Variants in P4HA2 observed in about 807,000 individuals in gnomAD.
P4HA2 encodes prolyl 4-hydroxylase subunit alpha 2.
A neutral mutation model predicts 76.9 loss-of-function variants in P4HA2; 46 were observed. The observed-to-expected ratio is 0.60, with a 90% CI of 0.47 to 0.76. The LOEUF is 0.76. Among genes scored for constraint, P4HA2 ranks in the 30% least tolerant of loss-of-function variants. The pLI, the probability that P4HA2 is intolerant of heterozygous loss-of-function variation, is 0.00. For synonymous variants in P4HA2, 243 were observed against 254.0 expected, an observed-to-expected ratio of 0.96 and a Z score of 0.41; for missense variants, 583 against 669.4, an observed-to-expected ratio of 0.87 and a Z score of 1.42.
At chr5:132,204,287 A>C (rs908472976) in intron 8 of P4HA2, 135 bp from the exon 9 acceptor site, 5 of 713,648 alleles carry the variant, frequency 7.0e-6, no homozygotes, top group African/African-American at 5.2e-5. Flanking sequence ...GGCTCTAGCC[A>C]AGGCCCCAAG....
chr5:132,191,752 T>C lies in P4HA2; in HGVS notation c.*1258A>G, dbSNP rs1320692276. On this transcript the variant is annotated 3_prime_UTR_variant, in exon 15 of 15. Coordinates refer to ENST00000360568, the MANE Select transcript of P4HA2 (RefSeq NM_001017974.2). The stretch of plus-strand genomic sequence containing the variant: ...CTCCACATTTCCACTCCTAGATATA[T>C]ATCCTACAGAAATATGTGTTTATAT... 2.6e-5 allele frequency: 4 copies of C among 152,190 alleles called. No homozygotes were observed. Among genetic ancestry groups the C allele is most frequent in the East Asian group, 1.9e-4 (1 of 5,198 alleles). The allele number at this position is 152,190 out of a possible 1,614,324, so 9.4% of individuals were successfully genotyped here.
chr5:132,217,730 G>C (rs1351121088), intron 3 of P4HA2, 22 bp downstream of exon 3: 8 of 1,396,648 alleles, frequency 5.7e-6, no homozygotes, highest in African/African-American at 3.0e-5. Flanking sequence ...GCCAACTAAG[G>C]ATGGTTGGGG....
chr5:132,205,588 G>A (rs1752107662), intron 8 of P4HA2, among the ~76,000 whole-genome samples: 1 of 152,228 alleles, frequency 6.6e-6, no homozygotes, highest in Admixed American at 6.5e-5. Flanking sequence ...GGCAAGAGAT[G>A]ATGGTGGCCC....
At chr5:132,217,576 G>A (rs1754091136) in intron 3 of P4HA2, 176 bp downstream of exon 3, 3 of 641,178 alleles carry the variant, frequency 4.7e-6, no homozygotes, top group East Asian at 5.4e-5. Context: ...AAAATAAACA[G>A]TGACTCCTTA....
In P4HA2 at chr5:132,193,031, A is replaced by G. The variant is rs1214862833; in HGVS notation, c.1581T>C (p.Cys527=). Residue 527 remains cysteine, a synonymous_variant, in exon 15 of 15, where the codon TGT becomes TGC. Coordinates refer to ENST00000360568, the MANE Select transcript of P4HA2 (RefSeq NM_001017974.2). ...HERGQEFLRP[C]GSTEVD ...GATGTCAGTCAACTTCTGTTGATCC[A>G]CAAGGTCTCAAGAACTCCTGTCCTC... 3 of 1,612,062 alleles carry G rather than the reference A, an allele frequency of 1.9e-6. No homozygotes were observed. The highest frequency in any genetic ancestry group is 1.3e-5 in the African/African-American group (1 of 74,912).
chr5:132,197,890 T>G (rs1456839854), intron 12 of P4HA2: 9 of 432,056 alleles, frequency 2.1e-5, no homozygotes, highest in Non-Finnish European at 2.5e-5. Context: ...ACTATGAATG[T>G]ATTTAATACC....
In P4HA2 at chr5:132,191,502, A is replaced by G. The variant is rs930555704; in HGVS notation, c.*1508T>C. On this transcript the variant is annotated 3_prime_UTR_variant, in exon 15 of 15. Coordinates refer to ENST00000360568, the MANE Select transcript of P4HA2 (RefSeq NM_001017974.2). ...ACTCCAGCCTGGGCGACAGAGCGAGACTCCGTCTCAAAAAAAAAAAAAAAA... is the reference window on the plus strand; with the variant it reads ...ACTCCAGCCTGGGCGACAGAGCGAGGCTCCGTCTCAAAAAAAAAAAAAAAA... Among the ~76,000 whole-genome samples the G allele has an allele frequency of 7.6e-6, 1 of 132,120 alleles. No homozygotes were observed. Among genetic ancestry groups the G allele is most frequent in the Non-Finnish European group, 1.6e-5 (1 of 64,204 alleles). The allele number at this position is 132,120 out of a possible 152,430, so 86.7% of individuals were successfully genotyped here. A position where few individuals can be genotyped will look rare whatever the true frequency, so the allele number is the denominator to read the frequency against.
rs147276504 is a variant in P4HA2 at position 132,190,408 on chromosome 5, G to C, written c.*2602C>G. Among the ~76,000 whole-genome samples the C allele has an allele frequency of 6.6e-6, 1 of 152,296 alleles. No individual in the cohort carries two copies. The highest frequency in any genetic ancestry group is 2.4e-5 in the African/African-American group (1 of 41,562). On this transcript the variant is annotated 3_prime_UTR_variant, in exon 15 of 15. Transcript: ENST00000360568. ...GGGTCTACCAATGGAAGCCACTAGAGGGAGATTAGACGGCAGTAGATAGCA... is the reference window on the plus strand; with the variant it reads ...GGGTCTACCAATGGAAGCCACTAGACGGAGATTAGACGGCAGTAGATAGCA...
intron 2 of P4HA2, among the ~76,000 whole-genome samples, 194 bp downstream of exon 2, chr5:132,218,351 C>A (rs943813833): frequency 6.6e-6 from 1 of 152,230 alleles, no homozygotes; most frequent in African/African-American, 2.4e-5. Flanking sequence ...ATTCAGACAT[C>A]TGGCTCCCTG....
chr5:132,213,848 T>C, intron 5 of P4HA2, 68 bp downstream of exon 5: 2 of 1,507,688 alleles, frequency 1.3e-6, no homozygotes, highest in Non-Finnish European at 1.8e-6. Flanking sequence ...AAGTTGGTGG[T>C]GGCTCCAACC....
Position 132,218,612 on chromosome 5 carries a change from C to A in P4HA2, c.15G>T (p.Val5=). Reference sequence around the variant, plus strand: ...CAAACCAGGCCATCAGCAATGCAGACACCCAGAGTTTCATGGTCACAGAGG... The same window carrying A: ...CAAACCAGGCCATCAGCAATGCAGAAACCCAGAGTTTCATGGTCACAGAGG... MKLW[V]SALLMAWFGV... The change falls in exon 2 of 15, where the codon GTG becomes GTT. Residue 5 remains valine (V), a synonymous_variant. Transcript: ENST00000360568. 1.2e-6 allele frequency: 2 copies of A among 1,613,566 alleles called. No homozygotes were observed. Among genetic ancestry groups the A allele is most frequent in the Non-Finnish European group, 1.7e-6 (2 of 1,179,504 alleles).
At chr5:132,205,063 G>A (rs1311807783) in intron 8 of P4HA2, among the ~76,000 whole-genome samples, 1 of 152,230 alleles carries the variant, frequency 6.6e-6, no homozygotes, top group Admixed American at 6.5e-5. Flanking sequence ...CCTACTTTGT[G>A]CCTGGCACTA....
intron 4 of P4HA2, 134 bp from the exon 5 acceptor site, chr5:132,214,187 C>T (rs1480795821): frequency 4.9e-6 from 4 of 813,944 alleles, no homozygotes; most frequent in Non-Finnish European, 7.6e-6. Flanking sequence ...AGGCTGTTGC[C>T]CCCTTCCACC....
intron 1 of P4HA2, among the ~76,000 whole-genome samples, chr5:132,223,027 T>G (rs1411716860): frequency 2.6e-5 from 4 of 152,238 alleles, no homozygotes; most frequent in South Asian, 4.1e-4. Flanking sequence ...TTGCAACCTC[T>G]TGGTCTCACC....
At chr5:132,206,708 G>A (rs2081274) in intron 8 of P4HA2, among the ~76,000 whole-genome samples, 2,332 of 152,176 alleles carry the variant, frequency 0.015, 64 homozygotes, top group African/African-American at 0.052. Context: ...AAATACCATA[G>A]GAATTTCCAG....
intron 1 of P4HA2, among the ~76,000 whole-genome samples, chr5:132,219,994 C>A (rs964475517): frequency 6.6e-6 from 1 of 152,238 alleles, no homozygotes; most frequent in Non-Finnish European, 1.5e-5. Flanking sequence ...TGACAGTCTT[C>A]CTGTCATAGT....
intron 8 of P4HA2, among the ~76,000 whole-genome samples, chr5:132,207,137 A>G (rs1752313150): frequency 6.6e-6 from 1 of 152,262 alleles, no homozygotes; most frequent in Non-Finnish European, 1.5e-5. Context: ...CTAATAAAAT[A>G]ATGTAACCAG....
chr5:132,217,780 C>T lies in P4HA2; in HGVS notation c.151G>A (p.Glu51Lys), dbSNP rs192928215. ...TTAATCTTGGAAAGCTTGGCTTCCTCCACAAGGATGTACTCTTTCAGAGAC... is the reference window on the plus strand; with the variant it reads ...TTAATCTTGGAAAGCTTGGCTTCCTTCACAAGGATGTACTCTTTCAGAGAC... ...VQSLKEYILV[E>K]EAKLSKIKSW... Residue 51 changes from glutamate (E) to lysine (K), a missense_variant, in exon 3 of 15, where the codon GAG becomes AAG. By Grantham distance (56) the Glu-to-Lys change is moderately conservative (BLOSUM62 1). Coordinates refer to ENST00000360568, the MANE Select transcript of P4HA2 (RefSeq NM_001017974.2). The T allele has an allele frequency of 9.3e-6, 15 of 1,612,028 alleles. No individual in the cohort carries two copies. The Admixed American group carries it at 1.7e-4, about 18-fold the overall frequency.
Position 132,209,187 on chromosome 5 carries a change from G to T in P4HA2, c.854C>A (p.Pro285His), listed in dbSNP as rs200998393. The part of the protein sequence containing the change: ...GIYERPVDYL[P>H]ERDVYESLCR... ...GAGGCTCTCGTAAACATCCCTCTCA[G>T]GCAGGTAGTCCACAGGCCTCTCATA... Residue 285 changes from proline to histidine, a missense_variant, in exon 7 of 15, where the codon CCT (proline) becomes CAT (histidine). By Grantham distance (77) the Pro-to-His change is moderately conservative. Coordinates refer to ENST00000360568, the MANE Select transcript of P4HA2 (RefSeq NM_001017974.2). The T allele has an allele frequency of 2.5e-6, 4 of 1,614,032 alleles. No individual in the cohort carries two copies. Among genetic ancestry groups the T allele is most frequent in the Non-Finnish European group, 3.4e-6 (4 of 1,179,968 alleles).
Sources: gnomAD v4.1 joint callset for allele counts (sites outside exome capture counted in the v4.1 genomes callset) on GRCh38, gnomAD v4.1.1 for gene constraint, MANE v1.5 for transcripts, NCBI Gene and HGNC (gene_info 2026-07-23, HGNC 2026-07-21) for gene names.